The following LHFPL6 variants were observed in gnomAD, a reference collection of about 807,000 sequenced individuals.
LHFPL6 encodes LHFPL tetraspan subfamily member 6.
Under a neutral mutation model 20.6 loss-of-function variants are expected in LHFPL6, and 9 were observed. That is an observed-to-expected ratio of 0.44 (90% CI 0.26 to 0.76). LHFPL6 has a LOEUF of 0.76. LHFPL6 is among the 30% of genes least tolerant of loss of function. LHFPL6 has a pLI of 0.20. For synonymous variants in LHFPL6, 105 were observed against 98.7 expected (o/e 1.06, Z -0.38); for missense variants, 218 against 253.5 (o/e 0.86, Z 0.95).
At chr13:39,425,115 A>G (rs544376407) in intron 2 of LHFPL6, among the ~76,000 whole-genome samples, 4 of 152,212 alleles carry the variant, frequency 2.6e-5, no homozygotes, top group Non-Finnish European at 4.4e-5. Context: ...ATTGCTTTCA[A>G]TCATAACAGG....
chr13:39,512,460 G>T (rs1024646635), intron 2 of LHFPL6, among the ~76,000 whole-genome samples: 4 of 151,942 alleles, frequency 2.6e-5, no homozygotes, highest in Non-Finnish European at 5.9e-5. Flanking sequence ...AAATTAGCCG[G>T]GCATGGTGGC....
chr13:39,512,546 G>T (rs1869752444), intron 2 of LHFPL6, among the ~76,000 whole-genome samples: 1 of 146,810 alleles, frequency 6.8e-6, no homozygotes, highest in South Asian at 2.1e-4. Context: ...AGCTTGCAGT[G>T]AGCCGAGATT....
At chr13:39,520,130 CT>C (rs1870059888) in intron 2 of LHFPL6, among the ~76,000 whole-genome samples, 1 of 152,192 alleles carries the variant, frequency 6.6e-6, no homozygotes, top group Non-Finnish European at 1.5e-5. Flanking sequence ...GAATCAACAC[CT>C]TTTGTCATGT....
chr13:39,468,810 T>A (rs571286049), intron 2 of LHFPL6, among the ~76,000 whole-genome samples: 1 of 152,218 alleles, frequency 6.6e-6, no homozygotes, highest in South Asian at 2.1e-4. Context: ...CAATCTTGAT[T>A]TCATAGGGGA....
rs76488862 is a variant in LHFPL6 at position 39,553,325 on chromosome 13, C to T, written c.385+47507G>A. On this transcript the variant is annotated intron_variant, in intron 2 of 3. Coordinates refer to ENST00000379589, the MANE Select transcript of LHFPL6 (RefSeq NM_005780.3). Reference sequence around the variant, plus strand: ...TCCCTGGAATGTAAATTTGCAGCTTCACCCCATGAATTTGGACAGGCTTTG... The same window carrying T: ...TCCCTGGAATGTAAATTTGCAGCTTTACCCCATGAATTTGGACAGGCTTTG... Among the ~76,000 whole-genome samples, 405 of 152,316 alleles carry T rather than the reference C, an allele frequency of 2.7e-3. 1 individual carries two copies. The highest frequency in any genetic ancestry group is 9.3e-3 in the African/African-American group (387 of 41,568).
intron 2 of LHFPL6, among the ~76,000 whole-genome samples, chr13:39,569,952 A>G (rs1871861606): frequency 6.6e-6 from 1 of 152,224 alleles, no homozygotes; most frequent in East Asian, 1.9e-4. Context: ...CTGACTGTCC[A>G]GAAGGAATGA....
intron 2 of LHFPL6, among the ~76,000 whole-genome samples, chr13:39,520,958 A>G (rs575998925): frequency 1.1e-3 from 166 of 152,314 alleles, no homozygotes; most frequent in African/African-American, 3.5e-3. Flanking sequence ...GGGACTACTG[A>G]TGGGTCATGG....
intron 2 of LHFPL6, among the ~76,000 whole-genome samples, chr13:39,587,060 A>C (rs1175745285): frequency 6.6e-6 from 1 of 152,164 alleles, no homozygotes; most frequent in Non-Finnish European, 1.5e-5. Flanking sequence ...AGGAGGCTGC[A>C]GCAGGAGAAT....
chr13:39,398,864 A>T lies in LHFPL6; in HGVS notation c.386-20338T>A, dbSNP rs1257618730. On this transcript the variant is annotated intron_variant, in intron 2 of 3. Coordinates refer to ENST00000379589, the MANE Select transcript of LHFPL6 (RefSeq NM_005780.3). ...GTTGTGCACTCCTTATGAGAATCTA[A>T]TGCCTAATGATCTGAGATGGAACAA... 3.9e-5 allele frequency among the ~76,000 whole-genome samples: 6 copies of T among 152,334 alleles called. No individual in the cohort carries two copies. In the East Asian group the frequency reaches 1.2e-3, roughly 29 times the overall value.
chr13:39,489,058 C>T (rs537221075), intron 2 of LHFPL6, among the ~76,000 whole-genome samples: 2 of 152,300 alleles, frequency 1.3e-5, no homozygotes, highest in South Asian at 4.1e-4. Flanking sequence ...TTTAAGGACT[C>T]CCATCTCTCC....
At chr13:39,358,614 T>C (rs187162055) in intron 3 of LHFPL6, among the ~76,000 whole-genome samples, 1 of 152,114 alleles carries the variant, frequency 6.6e-6, no homozygotes, top group East Asian at 1.9e-4. Context: ...GCCTACAGAA[T>C]GGGAGAAAAT....
At chr13:39,585,073 AC>A (rs1030565553) in intron 2 of LHFPL6, among the ~76,000 whole-genome samples, 2 of 152,112 alleles carry the variant, frequency 1.3e-5, no homozygotes, top group African/African-American at 4.8e-5. Context: ...ACCCCACAGC[AC>A]CCCAATACAC....
Position 39,566,437 on chromosome 13 carries a change from C to T in LHFPL6, c.385+34395G>A, listed in dbSNP as rs528131663. Among the ~76,000 whole-genome samples, 23 of 152,170 alleles carry T rather than the reference C, an allele frequency of 1.5e-4. No individual in the cohort carries two copies. In the South Asian group the frequency reaches 4.2e-3, roughly 27 times the overall value. The stretch of plus-strand genomic sequence containing the variant: ...ACTTACAAAAGGTTACTGAGATTGA[C>T]GAAGTAATAAATGATGAGTTCAGCT... On this transcript the variant is annotated intron_variant, in intron 2 of 3. Transcript: ENST00000379589.
intron 2 of LHFPL6, among the ~76,000 whole-genome samples, chr13:39,391,744 G>A (rs1281669165): frequency 7.4e-6 from 1 of 135,486 alleles, no homozygotes; most frequent in Non-Finnish European, 1.6e-5. Flanking sequence ...CGGTGGTACA[G>A]GTGGCCAACT....
At chr13:39,372,680 T>C (rs1403286059) in intron 3 of LHFPL6, among the ~76,000 whole-genome samples, 2 of 152,218 alleles carry the variant, frequency 1.3e-5, no homozygotes, top group African/African-American at 4.8e-5. Context: ...TTAAGGCATA[T>C]AAAAAAGTTC....
intron 2 of LHFPL6, among the ~76,000 whole-genome samples, chr13:39,562,695 C>CACACACACAT (rs765672489): frequency 6.8e-6 from 1 of 146,388 alleles, no homozygotes; most frequent in African/African-American, 2.5e-5. Flanking sequence ...CACACACACA[C>CACACACACAT]ATATATATAT....
intron 2 of LHFPL6, among the ~76,000 whole-genome samples, chr13:39,597,347 C>T (rs772549271): frequency 1.3e-5 from 2 of 152,198 alleles, no homozygotes; most frequent in Non-Finnish European, 2.9e-5. Context: ...AACATTCTTA[C>T]GTGTATCATT....
intron 2 of LHFPL6, among the ~76,000 whole-genome samples, chr13:39,440,721 C>A (rs545144471): frequency 6.6e-6 from 1 of 152,030 alleles, no homozygotes; most frequent in Non-Finnish European, 1.5e-5. Context: ...CTGCTTCAGC[C>A]GGATATGGTT....
At chr13:39,511,232 T>C (rs1265201922) in intron 2 of LHFPL6, among the ~76,000 whole-genome samples, 3 of 152,220 alleles carry the variant, frequency 2.0e-5, no homozygotes, top group African/African-American at 4.8e-5. Flanking sequence ...GTATTTAATG[T>C]AATGGCTACT....
Sources: allele counts gnomAD v4.1 joint callset (sites outside exome capture counted in the v4.1 genomes callset), GRCh38; gene constraint gnomAD v4.1.1; transcripts MANE v1.5; gene names NCBI Gene and HGNC (gene_info 2026-07-23, HGNC 2026-07-21).